Variants in HHIP observed in about 807,000 individuals in gnomAD.
HHIP encodes hedgehog interacting protein, also known as hedgehog-interacting protein.
A neutral mutation model predicts 74.0 loss-of-function variants in HHIP; 12 were observed. The ratio of observed to expected loss-of-function variants is 0.16; its 90% CI spans 0.10 to 0.26. HHIP has a LOEUF of 0.26. HHIP is among the 10% of genes least tolerant of loss of function. The probability of loss-of-function intolerance (pLI) is 1.00; values close to 1 mark genes in which losing one functional copy is unlikely to be tolerated. For missense variants in HHIP, 788 were observed against 845.0 expected (o/e 0.93, Z 0.84); for synonymous variants, 309 against 311.6 (o/e 0.99, Z 0.09).
chr4:144,711,912 A>G, intron 7 of HHIP, 38 bp from the exon 8 acceptor site: 1 of 1,590,198 alleles, frequency 6.3e-7, no homozygotes. Flanking sequence ...GGAAAAGATC[A>G]CGGTAGGAAT....
intron 3 of HHIP, 30 bp downstream of exon 3, chr4:144,658,976 T>G: frequency 1.3e-6 from 2 of 1,550,700 alleles, no homozygotes; most frequent in Non-Finnish European, 1.8e-6. Flanking sequence ...CTTTAATCTT[T>G]TTAAAAAAAC....
At chr4:144,648,666 G>A (rs948766074) in intron 1 of HHIP, 1 of 152,082 alleles carries the variant, frequency 6.6e-6, no homozygotes, top group African/African-American at 2.4e-5. Flanking sequence ...GGTGCAATAC[G>A]TACTATGAAT....
At chr4:144,679,895 T>A (rs1729288655) in intron 4 of HHIP, among the ~76,000 whole-genome samples, 1 of 152,220 alleles carries the variant, frequency 6.6e-6, no homozygotes, top group Non-Finnish European at 1.5e-5. Flanking sequence ...AAATCTGTTC[T>A]TGTTTATTCA....
intron 2 of HHIP, 43 bp from the exon 3 acceptor site, chr4:144,658,747 T>C (rs1728616894): frequency 6.6e-7 from 1 of 1,508,874 alleles, no homozygotes; most frequent in Non-Finnish European, 9.0e-7. Flanking sequence ...GGTTTTACTA[T>C]GACATTAGGT....
chr4:144,732,539 C>G (rs1730990042), intron 11 of HHIP, among the ~76,000 whole-genome samples: 1 of 152,136 alleles, frequency 6.6e-6, no homozygotes. Context: ...AGACACTCTC[C>G]CCTAAAGAAT....
chr4:144,722,421 A>G (rs1032999334), intron 11 of HHIP, among the ~76,000 whole-genome samples: 3 of 152,208 alleles, frequency 2.0e-5, no homozygotes, highest in African/African-American at 7.2e-5. Context: ...TAAATAATCT[A>G]TTTTAAACAT....
chr4:144,673,005 A>C (rs984327221), intron 4 of HHIP, among the ~76,000 whole-genome samples: 1 of 152,200 alleles, frequency 6.6e-6, no homozygotes, highest in South Asian at 2.1e-4. Context: ...CTCCGGCCCA[A>C]ACTTTTTAAA....
At chr4:144,669,723 A>G (rs983502061) in intron 4 of HHIP, among the ~76,000 whole-genome samples, 3 of 152,330 alleles carry the variant, frequency 2.0e-5, no homozygotes, top group Middle Eastern at 3.4e-3. Context: ...AATCCAGTAA[A>G]CTGAAGCTTA....
chr4:144,728,081 C>G (rs1007316237), intron 11 of HHIP, among the ~76,000 whole-genome samples: 4 of 152,176 alleles, frequency 2.6e-5, no homozygotes, highest in Non-Finnish European at 4.4e-5. Context: ...ATGGTTGCAT[C>G]TTTAACCACA....
At chr4:144,700,563 A>T (rs758249436) in intron 4 of HHIP, among the ~76,000 whole-genome samples, 9 of 152,162 alleles carry the variant, frequency 5.9e-5, no homozygotes, top group African/African-American at 9.7e-5. Flanking sequence ...ACAAGTTCTT[A>T]AAAGTGGAAG....
Position 144,734,803 on chromosome 4 carries a change from G to T in HHIP, c.1823G>T (p.Cys608Phe). 1 of 1,612,988 alleles carries T rather than the reference G, an allele frequency of 6.2e-7. No individual in the cohort carries two copies. The highest frequency in any genetic ancestry group is 8.5e-7 in the Non-Finnish European group (1 of 1,179,228). Residue 608 changes from cysteine (C) to phenylalanine (F), a missense_variant, in exon 12 of 13, where the codon TGC (cysteine) becomes TTC (phenylalanine). By Grantham distance (205) the Cys-to-Phe change is radical (BLOSUM62 -2). Coordinates refer to ENST00000296575, the MANE Select transcript of HHIP (RefSeq NM_022475.3). Reference protein sequence around the residue: ...VQPAQTLTSECSRLCRNGYCT... With the variant: ...VQPAQTLTSEFSRLCRNGYCT... ...CCTGCACAGACACTGACTTCAGAGT[G>T]CTCCAGGCTCTGTCGAAACGGCTAC...
chr4:144,685,866 T>A (rs1356296235), intron 4 of HHIP, among the ~76,000 whole-genome samples: 1 of 152,230 alleles, frequency 6.6e-6, no homozygotes, highest in African/African-American at 2.4e-5. Flanking sequence ...ACATTTTAAA[T>A]TATGCAGTTC....
At chr4:144,659,027 T>TCAAAA in intron 3 of HHIP, 81 bp downstream of exon 3, 2 of 1,157,652 alleles carry the variant, frequency 1.7e-6, no homozygotes, top group Non-Finnish European at 2.5e-6. Context: ...GAATCAACTG[T>TCAAAA]CTGTGCTTAT....
At chr4:144,704,345 AT>A (rs1730071113) in intron 4 of HHIP, among the ~76,000 whole-genome samples, 1 of 152,210 alleles carries the variant, frequency 6.6e-6, no homozygotes, top group Admixed American at 6.5e-5. Flanking sequence ...CTTTTTTTAA[AT>A]TGCTTTTTTG....
intron 4 of HHIP, chr4:144,685,814 C>T (rs1729470087): frequency 6.6e-6 from 1 of 152,176 alleles, no homozygotes; most frequent in Admixed American, 6.5e-5. Context: ...ATCAGGCATG[C>T]ATTGATCTTA....
At chr4:144,708,457 A>G in intron 7 of HHIP, 146 bp downstream of exon 7, 1 of 698,664 alleles carries the variant, frequency 1.4e-6, no homozygotes, top group Non-Finnish European at 2.4e-6. Flanking sequence ...ACAGGTCATT[A>G]CTCAAGTGAG....
chr4:144,730,444 C>G (rs572455122), intron 11 of HHIP, among the ~76,000 whole-genome samples: 1 of 152,236 alleles, frequency 6.6e-6, no homozygotes, highest in South Asian at 2.1e-4. Flanking sequence ...GCCTAAACAA[C>G]CTCTTGGGTA....
chr4:144,671,648 C>A (rs1328451904), intron 4 of HHIP, among the ~76,000 whole-genome samples: 1 of 152,182 alleles, frequency 6.6e-6, no homozygotes, highest in African/African-American at 2.4e-5. Context: ...GTGATGGCAT[C>A]ATCTCTTCGG....
At chr4:144,737,382 G>T (rs1731150700) in intron 12 of HHIP, among the ~76,000 whole-genome samples, 1 of 152,216 alleles carries the variant, frequency 6.6e-6, no homozygotes. Context: ...CCACTCCCAT[G>T]TTGAGATCCT....
Sources: gnomAD v4.1 joint callset for allele counts (sites outside exome capture counted in the v4.1 genomes callset) on GRCh38, gnomAD v4.1.1 for gene constraint, MANE v1.5 for transcripts, NCBI Gene and HGNC (gene_info 2026-07-23, HGNC 2026-07-21) for gene names.